LHFPL2: variants seen among roughly 807,000 people sequenced by gnomAD.
LHFPL2 encodes the protein LHFPL tetraspan subfamily member 2 protein.
In LHFPL2, 7 loss-of-function variants were observed where a neutral mutation model predicts 17.5. The ratio of observed to expected loss-of-function variants is 0.40; its 90% CI spans 0.23 to 0.75. The LOEUF is 0.75. Among genes scored for constraint, LHFPL2 ranks in the 30% least tolerant of loss-of-function variants. The pLI is 0.37. For synonymous variants in LHFPL2, 134 were observed against 116.2 expected, an observed-to-expected ratio of 1.15 and a Z score of -0.99; for missense variants, 241 against 294.8, an observed-to-expected ratio of 0.82 and a Z score of 1.34.
At chr5:78,637,160 G>T (rs1745478126) in intron 1 of LHFPL2, among the ~76,000 whole-genome samples, 1 of 152,122 alleles carries the variant, frequency 6.6e-6, no homozygotes, top group Non-Finnish European at 1.5e-5. Flanking sequence ...GTAGGGTCTG[G>T]TCACATATGT....
chr5:78,589,945 G>C (rs1166114488), intron 2 of LHFPL2: 1 of 152,182 alleles, frequency 6.6e-6, no homozygotes, highest in African/African-American at 2.4e-5. Flanking sequence ...ATTAAACCTA[G>C]CCCCTGCAGG....
At chr5:78,509,608 AC>A (rs1301944256) in intron 4 of LHFPL2, among the ~76,000 whole-genome samples, 175 bp downstream of exon 4, 1 of 151,956 alleles carries the variant, frequency 6.6e-6, no homozygotes, top group African/African-American at 2.4e-5. Flanking sequence ...GGGGAAAGAG[AC>A]CCATGCGAGC....
In LHFPL2 at chr5:78,487,949, G is replaced by A. The variant is rs561324847; in HGVS notation, c.*948C>T. 3.3e-5 allele frequency: 5 copies of A among 152,174 alleles called. No individual in the cohort carries two copies. The highest frequency in any genetic ancestry group is 7.3e-5 in the Non-Finnish European group (5 of 68,036). 9.4% of individuals were successfully genotyped at this position (152,174 alleles called of 1,614,324 possible). A position where few individuals can be genotyped will look rare whatever the true frequency, so the allele number is the denominator to read the frequency against. Reference sequence around the variant, plus strand: ...CTGACTACAGCATGGTCACCAAACTGGGAGTAAAGGTCTCCCCCCAAGTGC... The same window carrying A: ...CTGACTACAGCATGGTCACCAAACTAGGAGTAAAGGTCTCCCCCCAAGTGC... On this transcript the variant is annotated 3_prime_UTR_variant, in exon 5 of 5. Coordinates refer to ENST00000380345, the MANE Select transcript of LHFPL2 (RefSeq NM_005779.3).
intron 3 of LHFPL2, among the ~76,000 whole-genome samples, chr5:78,516,858 C>T (rs1305712129): frequency 2.6e-5 from 4 of 152,140 alleles, no homozygotes; most frequent in Admixed American, 6.5e-5. Flanking sequence ...CTGCATCACA[C>T]GCTAAAGTTA....
intron 3 of LHFPL2, among the ~76,000 whole-genome samples, chr5:78,537,225 G>T (rs1232409777): frequency 6.6e-6 from 1 of 152,084 alleles, no homozygotes; most frequent in African/African-American, 2.4e-5. Context: ...AGCTTTCTCC[G>T]AGGGGCCCAG....
intron 1 of LHFPL2, among the ~76,000 whole-genome samples, chr5:78,643,269 G>GA (rs202022796): frequency 7.3e-5 from 11 of 149,772 alleles, no homozygotes; most frequent in African/African-American, 1.7e-4. Context: ...TTAAAGTAAT[G>GA]AAAAAAAAAG....
intron 1 of LHFPL2, among the ~76,000 whole-genome samples, chr5:78,646,173 C>T (rs1362657562): frequency 6.6e-6 from 1 of 152,212 alleles, no homozygotes; most frequent in Non-Finnish European, 1.5e-5. Flanking sequence ...GCACTACAAA[C>T]TCCCTGGAAA....
chr5:78,591,072 T>C (rs1743610453), intron 2 of LHFPL2, among the ~76,000 whole-genome samples: 1 of 152,238 alleles, frequency 6.6e-6, no homozygotes, highest in Non-Finnish European at 1.5e-5. Flanking sequence ...ATGAATGCAC[T>C]AATTTGTGGT....
chr5:78,501,551 G>C (rs898056511), intron 4 of LHFPL2, among the ~76,000 whole-genome samples: 1 of 152,156 alleles, frequency 6.6e-6, no homozygotes, highest in Non-Finnish European at 1.5e-5. Flanking sequence ...GAGTCTCTTT[G>C]GAGTCTAGGT....
intron 3 of LHFPL2, among the ~76,000 whole-genome samples, chr5:78,542,567 G>A (rs568305474): frequency 1.3e-5 from 2 of 152,134 alleles, no homozygotes; most frequent in African/African-American, 2.4e-5. Context: ...CCTCCACGCC[G>A]TGCTCATGCC....
At chr5:78,542,657 A>C (rs1057152502) in intron 3 of LHFPL2, among the ~76,000 whole-genome samples, 1 of 152,116 alleles carries the variant, frequency 6.6e-6, no homozygotes, top group Non-Finnish European at 1.5e-5. Context: ...CTTCCAGGGA[A>C]GCCTTGCCTT....
At chr5:78,579,353 T>C (rs1162274424) in intron 2 of LHFPL2, among the ~76,000 whole-genome samples, 1 of 152,072 alleles carries the variant, frequency 6.6e-6, no homozygotes, top group Admixed American at 6.6e-5. Context: ...TTATTTATTA[T>C]TATTATACTT....
At chr5:78,619,370 A>G (rs1300402404) in intron 2 of LHFPL2, among the ~76,000 whole-genome samples, 1 of 152,094 alleles carries the variant, frequency 6.6e-6, no homozygotes, top group Non-Finnish European at 1.5e-5. Flanking sequence ...AGAAATTTCT[A>G]GAAGATATTT....
intron 3 of LHFPL2, among the ~76,000 whole-genome samples, chr5:78,560,389 G>T (rs1756694165): frequency 6.6e-6 from 1 of 152,242 alleles, no homozygotes; most frequent in Non-Finnish European, 1.5e-5. Context: ...ATGGTAAGAA[G>T]ACAGTGCTGA....
chr5:78,492,447 T>C (rs566031215), intron 4 of LHFPL2, among the ~76,000 whole-genome samples: 2 of 152,296 alleles, frequency 1.3e-5, no homozygotes, highest in South Asian at 4.1e-4. Context: ...TTAATTTGGC[T>C]GTCTTGGGTT....
chr5:78,493,207 A>G (rs1754504028), intron 4 of LHFPL2, among the ~76,000 whole-genome samples: 1 of 152,192 alleles, frequency 6.6e-6, no homozygotes, highest in Admixed American at 6.5e-5. Flanking sequence ...GGTGAATGCC[A>G]CACGTAGTCC....
intron 2 of LHFPL2, among the ~76,000 whole-genome samples, chr5:78,587,246 C>CCA (rs10700266): frequency 0.4 from 60,237 of 151,940 alleles, 12,128 homozygotes; most frequent in Middle Eastern, 0.47. Context: ...CTCACATTTT[C>CCA]CAGTCTGCTG....
intron 3 of LHFPL2, among the ~76,000 whole-genome samples, chr5:78,549,813 T>C (rs1262962278): frequency 6.6e-6 from 1 of 152,220 alleles, no homozygotes; most frequent in Non-Finnish European, 1.5e-5. Context: ...TACCTTCCAA[T>C]ATGTGGAAGT....
intron 3 of LHFPL2, among the ~76,000 whole-genome samples, chr5:78,517,360 C>G (rs1755322954): frequency 6.6e-6 from 1 of 152,182 alleles, no homozygotes; most frequent in South Asian, 2.1e-4. Context: ...GATGCCAACT[C>G]CAACTCCTCC....
Sources: allele counts gnomAD v4.1 joint callset (sites outside exome capture counted in the v4.1 genomes callset), GRCh38; gene constraint gnomAD v4.1.1; transcripts MANE v1.5; gene names NCBI Gene and HGNC (gene_info 2026-07-23, HGNC 2026-07-21).